Variants in ACAA2 observed in about 807,000 individuals in gnomAD.
ACAA2 encodes acetyl-CoA acyltransferase 2.
ACAA2 carries 35 observed loss-of-function variants against 44.8 expected under a neutral mutation model. The ratio of observed to expected loss-of-function variants is 0.78; its 90% confidence interval spans 0.60 to 1.04. The LOEUF (loss-of-function observed/expected upper bound fraction) is 1.04, where lower values mean the gene tolerates loss of function less well. Among genes scored for constraint, ACAA2 ranks in the 50% least tolerant of loss-of-function variants. ACAA2 has a pLI of 0.00. For missense variants in ACAA2, 468 were observed against 482.6 expected, an observed-to-expected ratio of 0.97 and a Z score of 0.28; for synonymous variants, 142 against 166.5, an observed-to-expected ratio of 0.85 and a Z score of 1.13.
At chr18:49,791,738 G>A in intron 6 of ACAA2, 139 bp from the exon 7 acceptor site, 1 of 791,248 alleles carries the variant, frequency 1.3e-6, no homozygotes, top group East Asian at 2.7e-5. Context: ...TTAGAAAAGT[G>A]GTACTGTGGT....
chr18:49,811,263 A>G (rs965176794), intron 1 of ACAA2: 2 of 152,180 alleles, frequency 1.3e-5, no homozygotes, highest in African/African-American at 2.4e-5. Context: ...CAGGAGCACT[A>G]CCTTTCTATC....
Position 49,791,548 on chromosome 18 carries a change from T to C in ACAA2, c.805A>G (p.Lys269Glu). ...GCCAGTGGTGTGAAGTTATGTTTCT[T>C]AACAGCATCTTCACTAGCTATGATA... ...AVIIASEDAV[K>E]KHNFTPLARI... The change falls in exon 7 of 10, where the codon AAG (lysine) becomes GAG (glutamate). Residue 269 changes from lysine to glutamate, a missense_variant. Coordinates refer to ENST00000285093, the MANE Select transcript of ACAA2 (RefSeq NM_006111.3). 1 of 1,613,212 alleles carries C rather than the reference T, an allele frequency of 6.2e-7. No homozygotes were observed. The highest frequency in any genetic ancestry group is 8.5e-7 in the Non-Finnish European group (1 of 1,179,862).
intron 2 of ACAA2, among the ~76,000 whole-genome samples, chr18:49,800,164 TGGGAGGGAGGTG>T (rs2023524723): frequency 3.9e-5 from 1 of 25,350 alleles, no homozygotes; most frequent in African/African-American, 1.5e-4. Flanking sequence ...CCACCCCGTC[TGGGAGGGAGGTG>T]GGGGGTCAGC....
chr18:49,807,822 C>T (rs952984990), intron 1 of ACAA2, among the ~76,000 whole-genome samples: 1 of 152,054 alleles, frequency 6.6e-6, no homozygotes, highest in Non-Finnish European at 1.5e-5. Context: ...CAGAGCGGGA[C>T]CCTCTAAAAA....
intron 1 of ACAA2, among the ~76,000 whole-genome samples, chr18:49,813,253 G>C (rs2023692250): frequency 6.6e-6 from 1 of 152,250 alleles, no homozygotes; most frequent in Admixed American, 6.5e-5. Context: ...AAATTGCACC[G>C]AAATCGCTGT....
chr18:49,796,455 T>C (rs1252933006), intron 3 of ACAA2, among the ~76,000 whole-genome samples: 2 of 152,320 alleles, frequency 1.3e-5, no homozygotes, highest in East Asian at 3.9e-4. Context: ...ATTTAAGATA[T>C]ATCGTTATAG....
Position 49,792,137 on chromosome 18 carries a change from T to C in ACAA2, c.753+15A>G, listed in dbSNP as rs2023408984. The C allele has an allele frequency of 1.9e-6, 3 of 1,606,682 alleles. No homozygotes were observed. The highest frequency in any genetic ancestry group is 3.4e-5 in the Admixed American group (2 of 59,580). ...ACCAGGAAGAATTCAAGCTAATCTGTGTGGTGATACCAACCGATGCATTCC... is the reference window on the plus strand; with the variant it reads ...ACCAGGAAGAATTCAAGCTAATCTGCGTGGTGATACCAACCGATGCATTCC... On this transcript the variant is annotated intron_variant, in intron 6 of 9. Transcript: ENST00000285093.
In ACAA2 at chr18:49,813,528, G is replaced by T. The variant is rs1241002979; in HGVS notation, c.-44C>A. On this transcript the variant is annotated 5_prime_UTR_variant, in exon 1 of 10. Transcript: ENST00000285093. ...GGCGGCGCGGGTCTGTGGTGTGGGG[G>T]ACGCTGAGCGGCCGCTCGCAATCAC... 1.6e-6 allele frequency: 2 copies of T among 1,237,354 alleles called. No homozygotes were observed. Among genetic ancestry groups the T allele is most frequent in the Non-Finnish European group, 1.0e-6 (1 of 988,030 alleles). The allele number at this position is 1,237,354 out of a possible 1,614,324, so 76.6% of individuals were successfully genotyped here.
chr18:49,794,720 C>T (rs1416835181), intron 4 of ACAA2, among the ~76,000 whole-genome samples: 5 of 152,176 alleles, frequency 3.3e-5, no homozygotes, highest in South Asian at 2.1e-4. Context: ...AGTTACCCTA[C>T]GATCAAAAAT....
At chr18:49,809,133 G>GA (rs1568591878) in intron 1 of ACAA2, among the ~76,000 whole-genome samples, 1 of 152,116 alleles carries the variant, frequency 6.6e-6, no homozygotes. Context: ...TCTGCAAGAA[G>GA]AAAAATATGG....
chr18:49,803,255 A>C (rs1243459716), intron 1 of ACAA2, among the ~76,000 whole-genome samples: 1 of 147,576 alleles, frequency 6.8e-6, no homozygotes, highest in East Asian at 1.9e-4. Context: ...TAATAATAAT[A>C]ATAATAATAA....
intron 8 of ACAA2, chr18:49,785,609 C>CA (rs2023318932): frequency 1.1e-5 from 5 of 447,152 alleles, no homozygotes. Flanking sequence ...ATACCAGACA[C>CA]AGTGGGATAC....
At chr18:49,800,658 C>A (rs1026639771) in intron 2 of ACAA2, among the ~76,000 whole-genome samples, 2 of 152,100 alleles carry the variant, frequency 1.3e-5, no homozygotes, top group Admixed American at 6.5e-5. Context: ...GGATTAAGGG[C>A]GGTGCAAGAT....
intron 1 of ACAA2, among the ~76,000 whole-genome samples, chr18:49,807,995 A>C (rs1284318176): frequency 2.0e-5 from 3 of 152,108 alleles, no homozygotes; most frequent in East Asian, 1.9e-4. Flanking sequence ...AAAAAAAAAA[A>C]AAAACCCATG....
Position 49,795,951 on chromosome 18 carries a change from A to G in ACAA2, c.313-70T>C, listed in dbSNP as rs146387922. 2.7e-4 allele frequency: 250 copies of G among 926,130 alleles called. No individual in the cohort carries two copies. In the East Asian group the frequency reaches 5.2e-3, roughly 19 times the overall value. 57.4% of individuals were successfully genotyped at this position (926,130 alleles called of 1,614,324 possible). A position where few individuals can be genotyped will look rare whatever the true frequency, so the allele number is the denominator to read the frequency against. On this transcript the variant is annotated intron_variant, in intron 3 of 9. Coordinates refer to ENST00000285093, the MANE Select transcript of ACAA2 (RefSeq NM_006111.3). ...AAACAATGTATTAAGAAACACACTG[A>G]TTTTACAAATTAATGGTAAATCAAA...
intron 1 of ACAA2, chr18:49,813,122 C>T (rs866564275): frequency 2.3e-4 from 52 of 222,272 alleles, no homozygotes; most frequent in African/African-American, 1.1e-3. Context: ...GCGCCCGCGG[C>T]CTATGGCGCC....
rs572220588 is a variant in ACAA2 at position 49,797,453 on chromosome 18, ATGT to A, written c.312+10_312+12del. The A allele has an allele frequency of 3.7e-4, 583 of 1,591,462 alleles. 9 individuals are homozygous for A. The South Asian group carries it at 5.9e-3, about 16-fold the overall frequency. On this transcript the variant is annotated intron_variant, in intron 3 of 9. Coordinates refer to ENST00000285093, the MANE Select transcript of ACAA2 (RefSeq NM_006111.3). ...ACATATTTTCAGAGAATTTAAAAAA[ATGT>A]TGTCCATACCTGACATCCATTCACA...
chr18:49,800,371 C>T (rs994801173), intron 2 of ACAA2, among the ~76,000 whole-genome samples: 22 of 151,854 alleles, frequency 1.4e-4, no homozygotes, highest in East Asian at 7.8e-4. Context: ...CCCCTCTGCC[C>T]GGCCACCACC....
rs151022375 is a variant in ACAA2 at position 49,802,810 on chromosome 18, G to A, written c.60C>T (p.Tyr20=). 1.4e-5 allele frequency: 23 copies of A among 1,614,068 alleles called. No homozygotes were observed. Among genetic ancestry groups the A allele is most frequent in the East Asian group, 6.7e-5 (3 of 44,872 alleles). The change falls in exon 2 of 10, where the codon TAC becomes TAT. Residue 20 remains tyrosine (Y), a synonymous_variant. Coordinates refer to ENST00000285093, the MANE Select transcript of ACAA2 (RefSeq NM_006111.3). The part of the protein sequence containing the change: ...VAAKRTPFGA[Y]GGLLKDFTAT... ...CAGTGAAGTCTTTCAGAAGGCCTCCGTAAGCTCCAAAGGGCGTTCGCTTAG... is the reference window on the plus strand; with the variant it reads ...CAGTGAAGTCTTTCAGAAGGCCTCCATAAGCTCCAAAGGGCGTTCGCTTAG...
Sources: gnomAD v4.1 joint callset for allele counts (sites outside exome capture counted in the v4.1 genomes callset) on GRCh38, gnomAD v4.1.1 for gene constraint, MANE v1.5 for transcripts, NCBI Gene and HGNC (gene_info 2026-07-23, HGNC 2026-07-21) for gene names.